Variants in MINDY3 observed in about 807,000 individuals in gnomAD.
MINDY3 encodes MINDY lysine 48 deubiquitinase 3, also known as ubiquitin carboxyl-terminal hydrolase MINDY-3.
MINDY3 carries 38 observed loss-of-function variants against 69.2 expected under a neutral mutation model. The ratio of observed to expected loss-of-function variants is 0.55; its 90% CI spans 0.42 to 0.72. The LOEUF (loss-of-function observed/expected upper bound fraction) is 0.72, where lower values mean the gene tolerates loss of function less well. Ranked by LOEUF, MINDY3 falls within the 30% of genes least tolerant of loss-of-function variation. The pLI is 0.00. For missense variants in MINDY3, 522 were observed against 519.0 expected (o/e 1.01, Z -0.06); for synonymous variants, 192 against 180.1 (o/e 1.07, Z -0.53).
At chr10:15,786,476 T>G (rs1464028531) in intron 13 of MINDY3, 85 bp downstream of exon 13, 1 of 858,732 alleles carries the variant, frequency 1.2e-6, no homozygotes, top group East Asian at 2.5e-5. Flanking sequence ...ATTAGGACAT[T>G]GTACAGAAAG....
intron 13 of MINDY3, among the ~76,000 whole-genome samples, chr10:15,785,540 C>A (rs1836889893): frequency 6.6e-6 from 1 of 152,000 alleles, no homozygotes; most frequent in Non-Finnish European, 1.5e-5. Context: ...TATTATTAAT[C>A]CAGATATCCA....
chr10:15,844,269 C>T (rs115670469), intron 2 of MINDY3, among the ~76,000 whole-genome samples: 2,292 of 152,192 alleles, frequency 0.015, 45 homozygotes, highest in African/African-American at 0.049. Context: ...GCTAATCAAG[C>T]GCTTCTGATT....
At chr10:15,834,856 C>T (rs996177227) in intron 6 of MINDY3, among the ~76,000 whole-genome samples, 2 of 151,708 alleles carry the variant, frequency 1.3e-5, no homozygotes, top group African/African-American at 4.8e-5. Context: ...AAATATGTAC[C>T]GTTGGTTAAA....
intron 5 of MINDY3, 64 bp from the exon 6 acceptor site, chr10:15,837,382 A>C: frequency 7.6e-7 from 1 of 1,314,072 alleles, no homozygotes; most frequent in Middle Eastern, 1.9e-4. Flanking sequence ...ATAAAAGGGA[A>C]AATTTTTAAA....
At chr10:15,782,134 C>G in intron 14 of MINDY3, 21 bp downstream of exon 14, 1 of 1,566,348 alleles carries the variant, frequency 6.4e-7, no homozygotes, top group Non-Finnish European at 8.8e-7. Context: ...TGAACACCGA[C>G]GACTACGTGA....
chr10:15,830,780 C>G (rs952868652), intron 8 of MINDY3, among the ~76,000 whole-genome samples: 3 of 152,148 alleles, frequency 2.0e-5, no homozygotes, highest in African/African-American at 7.2e-5. Context: ...TTTAGAAGAA[C>G]AAATGACACA....
At chr10:15,791,198 G>T (rs1045020528) in intron 11 of MINDY3, among the ~76,000 whole-genome samples, 2 of 152,016 alleles carry the variant, frequency 1.3e-5, no homozygotes, top group South Asian at 2.1e-4. Context: ...ATATACTCAA[G>T]ATTAGAAGAG....
intron 8 of MINDY3, among the ~76,000 whole-genome samples, chr10:15,825,877 A>C (rs1840051247): frequency 6.6e-6 from 1 of 152,142 alleles, no homozygotes; most frequent in Non-Finnish European, 1.5e-5. Flanking sequence ...ACCCACAAAA[A>C]ACCAAGAAAC....
At chr10:15,793,642 T>C (rs1588522477) in intron 11 of MINDY3, among the ~76,000 whole-genome samples, 2 of 152,058 alleles carry the variant, frequency 1.3e-5, no homozygotes, top group East Asian at 1.9e-4. Context: ...AGGGGAAAGA[T>C]TGCTGAAACA....
At chr10:15,817,524 A>C (rs1380547376) in intron 9 of MINDY3, 1 of 152,248 alleles carries the variant, frequency 6.6e-6, no homozygotes, top group Non-Finnish European at 1.5e-5. Context: ...AAGGTTACAT[A>C]ATCTGTGAAC....
In MINDY3 at chr10:15,847,929, C is replaced by G. The variant is rs750378005; in HGVS notation, c.109G>C (p.Glu37Gln). 6.2e-7 allele frequency: 1 copy of G among 1,613,804 alleles called. No homozygotes were observed. Among genetic ancestry groups the G allele is most frequent in the Non-Finnish European group, 8.5e-7 (1 of 1,179,754 alleles). Residue 37 changes from glutamate (E) to glutamine (Q), a missense_variant, in exon 2 of 15, where the codon GAA becomes CAA. By Grantham distance (29) the Glu-to-Gln change is conservative (BLOSUM62 2). Transcript: ENST00000277632. ...TGTTCTAATGCAGATCCCTCTGATT[C>G]ACTAAACACAAACCCTAAAAATGAA... ...CRWTQGFVFS[E>Q]SEGSALEQFE...
intron 10 of MINDY3, among the ~76,000 whole-genome samples, chr10:15,813,966 C>T (rs1839182042): frequency 7.0e-6 from 1 of 143,072 alleles, no homozygotes; most frequent in South Asian, 2.2e-4. Flanking sequence ...ATAAAGCAAA[C>T]TCACCAAAAC....
At chr10:15,805,947 G>A (rs1838609373) in intron 10 of MINDY3, among the ~76,000 whole-genome samples, 1 of 152,104 alleles carries the variant, frequency 6.6e-6, no homozygotes, top group African/African-American at 2.4e-5. Context: ...GCCAAAAAGA[G>A]GGTACATTGC....
In MINDY3 at chr10:15,860,224, A is replaced by G; in HGVS notation, c.76T>C (p.Phe26Leu). ...AGGGTACCTTGCGTCCAGCGGCAGA[A>G]AATGGTGTCCGAGAGACCGGGGCTG... ...KSSPGLSDTI[F>L]CRWTQGFVFS... is the part of the protein sequence containing the mutation. The change falls in exon 1 of 15, where the codon TTC becomes CTC. Residue 26 changes from phenylalanine (F) to leucine (L), a missense_variant. Physicochemically the swap from Phe to Leu is conservative, Grantham distance 22. Coordinates refer to ENST00000277632, the MANE Select transcript of MINDY3 (RefSeq NM_024948.4). 6.2e-7 allele frequency: 1 copy of G among 1,609,778 alleles called. No homozygotes were observed. Among genetic ancestry groups the G allele is most frequent in the Non-Finnish European group, 8.5e-7 (1 of 1,178,194 alleles).
chr10:15,786,463 C>T lies in MINDY3; in HGVS notation c.1116+98G>A, dbSNP rs568084096. 46 of 758,630 alleles carry T rather than the reference C, an allele frequency of 6.1e-5. No individual in the cohort carries two copies. In the East Asian group the frequency reaches 8.8e-4, roughly 14 times the overall value. 47.0% of individuals were successfully genotyped at this position (758,630 alleles called of 1,614,324 possible). A position where few individuals can be genotyped will look rare whatever the true frequency, so the allele number is the denominator to read the frequency against. ...CGGTGTTTTCTCAGTCTCATATCTG[C>T]GCATTAGGACATTGTACAGAAAGAG... On this transcript the variant is annotated intron_variant, in intron 13 of 14. Coordinates refer to ENST00000277632, the MANE Select transcript of MINDY3 (RefSeq NM_024948.4).
chr10:15,798,321 A>G (rs111632197), intron 10 of MINDY3, among the ~76,000 whole-genome samples: 5,610 of 152,222 alleles, frequency 0.037, 344 homozygotes, highest in African/African-American at 0.12. Flanking sequence ...CGCTGTTTAC[A>G]TAGTAGAGGG....
intron 1 of MINDY3, among the ~76,000 whole-genome samples, chr10:15,852,780 G>A (rs61844797): frequency 0.04 from 6,026 of 152,148 alleles, 148 homozygotes; most frequent in Non-Finnish European, 0.058. Flanking sequence ...ACAGTTGGCC[G>A]TTCATATCCA....
intron 10 of MINDY3, among the ~76,000 whole-genome samples, chr10:15,806,770 A>C (rs1235307718): frequency 6.6e-6 from 1 of 152,172 alleles, no homozygotes; most frequent in African/African-American, 2.4e-5. Flanking sequence ...GCTATCATCT[A>C]CCAATTACTA....
rs1200658872 is a variant in MINDY3 at position 15,778,902 on chromosome 10, C to G, written c.*90G>C. ...GTTATTTACAGTTAATCAGTGATAC[C>G]AGTGTTTAGCTTAATCCAGCCAATT... On this transcript the variant is annotated 3_prime_UTR_variant, in exon 15 of 15. Transcript: ENST00000277632. The G allele has an allele frequency of 1.6e-5, 16 of 1,027,714 alleles. No individual in the cohort carries two copies. Among genetic ancestry groups the G allele is most frequent in the Non-Finnish European group, 2.1e-5 (15 of 699,718 alleles). The allele number at this position is 1,027,714 out of a possible 1,614,324, so 63.7% of individuals were successfully genotyped here.
Sources: allele counts gnomAD v4.1 joint callset (sites outside exome capture counted in the v4.1 genomes callset), GRCh38; gene constraint gnomAD v4.1.1; transcripts MANE v1.5; gene names NCBI Gene and HGNC (gene_info 2026-07-23, HGNC 2026-07-21).